The following RAB9B variants were observed in gnomAD, a reference collection of about 807,000 sequenced individuals.
The protein encoded by RAB9B is RAB9B, member RAS oncogene family, also known as ras-related protein Rab-9B.
A neutral mutation model predicts 8.9 loss-of-function variants in RAB9B; 1 was observed. The observed-to-expected ratio is 0.11, with a 90% CI of 0.04 to 0.53. RAB9B has a LOEUF of 0.53. RAB9B is among the 20% of genes least tolerant of loss of function. RAB9B has a pLI of 0.93. For missense variants in RAB9B, 82 were observed against 152.9 expected (o/e 0.54, Z 2.45); for synonymous variants, 63 against 57.0 (o/e 1.10, Z -0.47).
chrX:103,802,784 C>G, the RAB9B span, among the ~76,000 whole-genome samples: 1 of 110,956 alleles, frequency 9.0e-6, no homozygotes, highest in Non-Finnish European at 1.9e-5. Context: ...TCATCACCCC[C>G]AAATGAAGAT....
the RAB9B span, among the ~76,000 whole-genome samples, chrX:103,780,437 CTCTGTG>C: frequency 5.7e-5 from 5 of 87,858 alleles, no homozygotes; most frequent in East Asian, 3.4e-4. Context: ...TTCTGTCTCT[CTCTGTG>C]TGTGTGTGTG....
chrX:103,788,928 C>T, the RAB9B span: 1 of 273,435 alleles, frequency 3.7e-6, no homozygotes, highest in African/African-American at 2.7e-5. Context: ...AAAATAAGTA[C>T]ATTTGAAAGG....
the RAB9B span, among the ~76,000 whole-genome samples, chrX:103,798,311 C>T: frequency 1.5e-4 from 17 of 111,607 alleles, no homozygotes; most frequent in Non-Finnish European, 1.9e-5. Context: ...TATATACTTA[C>T]ACAATTTATA....
chrX:103,804,930 A>G, the RAB9B span, among the ~76,000 whole-genome samples: 8 of 111,761 alleles, frequency 7.2e-5, no homozygotes, highest in East Asian at 5.6e-4. Flanking sequence ...TTTAATATAT[A>G]AAATCACATC....
intron 2 of RAB9B, among the ~76,000 whole-genome samples, chrX:103,826,698 T>C (rs1569435617): frequency 1.8e-5 from 2 of 112,107 alleles, no homozygotes; most frequent in Non-Finnish European, 3.8e-5. Flanking sequence ...AAATACTACC[T>C]TTTCCTATAT....
At chrX:103,790,812 G>C in the RAB9B span, 1 of 433,786 alleles carries the variant, frequency 2.3e-6, no homozygotes, top group South Asian at 3.5e-5. Flanking sequence ...CTTCATAGCT[G>C]GTTCCTGCTA....
At chrX:103,817,602 C>A (rs922969748), downstream of RAB9B, among the ~76,000 whole-genome samples, 2 of 109,611 alleles carry the variant, frequency 1.8e-5, no homozygotes, top group Non-Finnish European at 3.8e-5. Context: ...TATACTCTCT[C>A]TATATATACT....
chrX:103,815,565 A>G, the RAB9B span, among the ~76,000 whole-genome samples: 5 of 112,219 alleles, frequency 4.5e-5, no homozygotes, highest in Admixed American at 4.7e-4. Flanking sequence ...TCAACATAGT[A>G]TTAGAAGTTC....
At chrX:103,826,001 A>G (rs761404728) in intron 2 of RAB9B, among the ~76,000 whole-genome samples, 175 bp from the exon 3 acceptor site, 35 of 112,150 alleles carry the variant, frequency 3.1e-4, no homozygotes, top group Non-Finnish European at 5.8e-4. Flanking sequence ...GGGGAAAAAT[A>G]GGTCTTGTTT....
the RAB9B span, chrX:103,788,575 C>T: frequency 2.4e-6 from 2 of 843,242 alleles, no homozygotes; most frequent in Non-Finnish European, 3.6e-6. Flanking sequence ...ACACCCATGG[C>T]CTTCAATTTT....
chrX:103,812,914 G>T, the RAB9B span, among the ~76,000 whole-genome samples: 1 of 107,114 alleles, frequency 9.3e-6, no homozygotes, highest in African/African-American at 3.4e-5. Flanking sequence ...TTAACTTCTC[G>T]GTTCCTGAGT....
chrX:103,798,833 G>A, the RAB9B span, among the ~76,000 whole-genome samples: 8 of 107,749 alleles, frequency 7.4e-5, no homozygotes, highest in African/African-American at 2.4e-4. Flanking sequence ...GTAGAGACGG[G>A]GTTTCACCAT....
the RAB9B span, among the ~76,000 whole-genome samples, chrX:103,811,584 A>G: frequency 8.9e-6 from 1 of 111,757 alleles, no homozygotes; most frequent in East Asian, 2.8e-4. Flanking sequence ...AACTAAAGAA[A>G]TATTCTAGAA....
chrX:103,822,889 T>C lies in RAB9B; in HGVS notation c.*2290A>G, dbSNP rs2074667591. 9.0e-6 allele frequency: 1 copy of C among 111,360 alleles called. No individual in the cohort carries two copies. The highest frequency in any genetic ancestry group is 1.9e-5 in the Non-Finnish European group (1 of 53,077). 9.2% of individuals were successfully genotyped at this position (111,360 alleles called of 1,213,427 possible). The stretch of plus-strand genomic sequence containing the variant: ...ATTAAGATATTGAGTGGTAATTTGG[T>C]AGAAAACAATGGTATGGCTAAGAGG... On this transcript the variant is annotated 3_prime_UTR_variant, in exon 3 of 3. Coordinates refer to ENST00000243298, the MANE Select transcript of RAB9B (RefSeq NM_016370.4).
the RAB9B span, chrX:103,788,385 G>A: frequency 4.5e-6 from 4 of 889,112 alleles, no homozygotes; most frequent in Admixed American, 4.4e-5. Flanking sequence ...GTCTCCATGT[G>A]GCCCCGTAAC....
the RAB9B span, chrX:103,786,670 C>T: frequency 1.7e-6 from 2 of 1,211,135 alleles, no homozygotes; most frequent in Non-Finnish European, 2.2e-6. Context: ...ACATCAAGCT[C>T]ATTCTTTGGA....
At chrX:103,827,823 T>C (rs1283131594) in intron 1 of RAB9B, among the ~76,000 whole-genome samples, 2 of 110,457 alleles carry the variant, frequency 1.8e-5, no homozygotes, top group Admixed American at 9.6e-5. Flanking sequence ...TGCACCACCA[T>C]GCCCGGCTAA....
At chrX:103,814,761 C>G in the RAB9B span, among the ~76,000 whole-genome samples, 1 of 111,297 alleles carries the variant, frequency 9.0e-6, no homozygotes, top group Non-Finnish European at 1.9e-5. Context: ...GGGATATCAC[C>G]CCTGATCCCA....
chrX:103,789,108 A>C, the RAB9B span: 1 of 454,017 alleles, frequency 2.2e-6, no homozygotes, highest in South Asian at 3.1e-5. Flanking sequence ...GGAGTACTGT[A>C]CTATTTCATG....
Sources: gnomAD v4.1 joint callset for allele counts (sites outside exome capture counted in the v4.1 genomes callset) on GRCh38, gnomAD v4.1.1 for gene constraint, MANE v1.5 for transcripts, NCBI Gene and HGNC (gene_info 2026-07-23, HGNC 2026-07-21) for gene names.